Variants in CBX5 observed in about 807,000 individuals in gnomAD.
The protein encoded by CBX5 is chromobox protein homolog 5.
CBX5 carries 7 observed loss-of-function variants against 20.7 expected under a neutral mutation model. The ratio of observed to expected loss-of-function variants is 0.34; its 90% CI spans 0.19 to 0.63. The LOEUF is 0.63. Ranked by LOEUF, CBX5 falls within the 30% of genes least tolerant of loss-of-function variation. The pLI is 0.75. For missense variants in CBX5, 110 were observed against 224.1 expected, an observed-to-expected ratio of 0.49 and a Z score of 3.25; for synonymous variants, 78 against 77.0, an observed-to-expected ratio of 1.01 and a Z score of -0.07.
At chr12:54,267,716 C>T (rs1235236888) in intron 1 of CBX5, among the ~76,000 whole-genome samples, 2 of 152,054 alleles carry the variant, frequency 1.3e-5, no homozygotes, top group Non-Finnish European at 2.9e-5. Flanking sequence ...GGGGTTTCAC[C>T]GTGTTAGCCA....
rs933670961 is a variant in CBX5 at position 54,240,414 on chromosome 12, A to G, written c.*1341T>C. On this transcript the variant is annotated 3_prime_UTR_variant, in exon 5 of 5. Coordinates refer to ENST00000209875, the MANE Select transcript of CBX5 (RefSeq NM_012117.3). ...ATTTTTATTTATATTTTTTAGAGACAGGGGGTCTCACTACATTGCCCAGGC... is the reference window on the plus strand; with the variant it reads ...ATTTTTATTTATATTTTTTAGAGACGGGGGGTCTCACTACATTGCCCAGGC... The G allele has an allele frequency of 4.6e-5, 7 of 152,138 alleles. No individual in the cohort carries two copies. The highest frequency in any genetic ancestry group is 2.1e-4 in the South Asian group (1 of 4,820). 9.4% of individuals were successfully genotyped at this position (152,138 alleles called of 1,614,324 possible). A position where few individuals can be genotyped will look rare whatever the true frequency, so the allele number is the denominator to read the frequency against.
intron 2 of CBX5, 86 bp from the exon 3 acceptor site, chr12:54,252,313 C>T: frequency 2.3e-6 from 2 of 859,290 alleles, no homozygotes; most frequent in South Asian, 1.8e-5. Context: ...TCAAAGAGGA[C>T]ATTCGGACAA....
chr12:54,257,623 C>T lies in CBX5; in HGVS notation c.28G>A (p.Asp10Asn), dbSNP rs763300355. 1.2e-6 allele frequency: 2 copies of T among 1,614,220 alleles called. No homozygotes were observed. Residue 10 changes from aspartate to asparagine, a missense_variant, in exon 2 of 5, where the codon GAC becomes AAC. Asp to Asn is a conservative substitution (Grantham distance 23, BLOSUM62 1). Transcript: ENST00000209875. ...TCCTCATCCTCTGAAGAAGAACTGT[C>T]AGCTGTCCGCTTGGTTTTCTTTCCC... MGKKTKRTA[D>N]SSSSEDEEEY...
intron 1 of CBX5, among the ~76,000 whole-genome samples, chr12:54,269,488 A>C (rs887983258): frequency 6.6e-6 from 1 of 151,688 alleles, no homozygotes. Flanking sequence ...TCTGAGGTTC[A>C]AGCGATTCTC....
chr12:54,251,975 T>C, intron 3 of CBX5, 66 bp downstream of exon 3: 1 of 1,359,584 alleles, frequency 7.4e-7, no homozygotes, highest in Non-Finnish European at 9.9e-7. Flanking sequence ...ATATGATACT[T>C]TTATTTATTA....
chr12:54,264,632 C>T (rs1308849996), intron 1 of CBX5, among the ~76,000 whole-genome samples: 2 of 152,074 alleles, frequency 1.3e-5, no homozygotes, highest in African/African-American at 4.8e-5. Context: ...CACCTGAGGT[C>T]GGGAGTTTGA....
At chr12:54,253,095 A>C (rs1203652152) in intron 2 of CBX5, among the ~76,000 whole-genome samples, 1 of 152,088 alleles carries the variant, frequency 6.6e-6, no homozygotes, top group African/African-American at 2.4e-5. Context: ...AATGTTCTGA[A>C]ACTGGATCAT....
chr12:54,269,697 G>T (rs932314501), intron 1 of CBX5, among the ~76,000 whole-genome samples: 1 of 152,098 alleles, frequency 6.6e-6, no homozygotes, highest in African/African-American at 2.4e-5. Context: ...TGGGCCTGGC[G>T]TTTTCTTTGT....
At chr12:54,251,918 T>TC (rs1239786487) in intron 3 of CBX5, 123 bp downstream of exon 3, 1 of 806,456 alleles carries the variant, frequency 1.2e-6, no homozygotes, top group Middle Eastern at 3.9e-4. Flanking sequence ...GCTCTTTTGT[T>TC]CAACAATTTA....
At chr12:54,252,712 C>T (rs956692459) in intron 2 of CBX5, among the ~76,000 whole-genome samples, 35 of 152,088 alleles carry the variant, frequency 2.3e-4, no homozygotes, top group African/African-American at 8.0e-4. Context: ...CAGCCGGGCA[C>T]GGTGGCTCAC....
Position 54,239,694 on chromosome 12 carries a change from A to G in CBX5, c.*2061T>C, listed in dbSNP as rs1273444208. The G allele has an allele frequency of 6.6e-6, 1 of 152,204 alleles. No individual in the cohort carries two copies. Among genetic ancestry groups the G allele is most frequent in the Non-Finnish European group, 1.5e-5 (1 of 68,036 alleles). 9.4% of individuals were successfully genotyped at this position (152,204 alleles called of 1,614,324 possible). A position where few individuals can be genotyped will look rare whatever the true frequency, so the allele number is the denominator to read the frequency against. On this transcript the variant is annotated 3_prime_UTR_variant, in exon 5 of 5. Coordinates refer to ENST00000209875, the MANE Select transcript of CBX5 (RefSeq NM_012117.3). ...GATAAAACTCCCACCCACTTGAGGTATGGTTTATGAGCTCTTGCCCAATCA... is the reference window on the plus strand; with the variant it reads ...GATAAAACTCCCACCCACTTGAGGTGTGGTTTATGAGCTCTTGCCCAATCA...
At chr12:54,262,110 C>T (rs927083067) in intron 1 of CBX5, among the ~76,000 whole-genome samples, 3 of 152,182 alleles carry the variant, frequency 2.0e-5, no homozygotes, top group Non-Finnish European at 2.9e-5. Flanking sequence ...AGGGTAGGTA[C>T]GTTCTCTCTC....
chr12:54,273,612 G>T (rs1224108094), intron 1 of CBX5: 1 of 152,174 alleles, frequency 6.6e-6, no homozygotes, highest in East Asian at 1.9e-4. Flanking sequence ...ATAATACACA[G>T]GTAGAGGGAG....
chr12:54,263,985 G>A lies in CBX5; in HGVS notation c.-42-6293C>T. Among the ~76,000 whole-genome samples the A allele has an allele frequency of 2.0e-5, 3 of 152,068 alleles. 1 individual carries two copies. Among genetic ancestry groups the A allele is most frequent in the Non-Finnish European group, 4.4e-5 (3 of 68,012 alleles). On this transcript the variant is annotated intron_variant, in intron 1 of 4. Coordinates refer to ENST00000209875, the MANE Select transcript of CBX5 (RefSeq NM_012117.3). ...GTGAACCCAGGAGGCGGGGCTTGCA[G>A]TGAGCCGAGATCGCACCACTGCACT...
chr12:54,244,564 C>G (rs1163091541), intron 4 of CBX5, among the ~76,000 whole-genome samples: 1 of 151,722 alleles, frequency 6.6e-6, no homozygotes, highest in Non-Finnish European at 1.5e-5. Context: ...ATGGCAAAAC[C>G]CCATCTCTAC....
At chr12:54,245,190 T>C (rs1217657340) in intron 4 of CBX5, among the ~76,000 whole-genome samples, 1 of 151,934 alleles carries the variant, frequency 6.6e-6, no homozygotes, top group Non-Finnish European at 1.5e-5. Context: ...TTTGTATTTT[T>C]AGTAGAGATA....
chr12:54,253,011 T>C lies in CBX5; in HGVS notation c.138-784A>G, dbSNP rs1231009581. The stretch of plus-strand genomic sequence containing the variant: ...AAAAAAAAAAAAAAAAGCAGATCAG[T>C]GAATGCCTGGGGCTGAGGGAGGGAG... On this transcript the variant is annotated intron_variant, in intron 2 of 4. Transcript: ENST00000209875. Among the ~76,000 whole-genome samples, 3 of 140,084 alleles carry C rather than the reference T, an allele frequency of 2.1e-5. No homozygotes were observed. The East Asian group carries it at 6.2e-4, about 29-fold the overall frequency. The allele number at this position is 140,084 out of a possible 152,430, so 91.9% of individuals were successfully genotyped here.
At position 54,234,150 on chromosome 12, in the gene CBX5, G is replaced by A. The variant is rs1403196404; in HGVS notation, c.*7605C>T. 4 of 119,706 alleles carry A rather than the reference G, an allele frequency of 3.3e-5. No homozygotes were observed. The highest frequency in any genetic ancestry group is 1.3e-4 in the African/African-American group (4 of 29,876). 7.4% of individuals were successfully genotyped at this position (119,706 alleles called of 1,614,324 possible). On this transcript the variant is annotated 3_prime_UTR_variant, in exon 5 of 5. Transcript: ENST00000209875. ...GCCAAGATCACGCCACTGCACTCCAGCCTGGGCAAAAGAGCAAGTTTCCAT... is the reference window on the plus strand; with the variant it reads ...GCCAAGATCACGCCACTGCACTCCAACCTGGGCAAAAGAGCAAGTTTCCAT...
At position 54,233,376 on chromosome 12, in the gene CBX5, G is replaced by T. The variant is rs1437198707; in HGVS notation, c.*8379C>A. On this transcript the variant is annotated 3_prime_UTR_variant, in exon 5 of 5. Coordinates refer to ENST00000209875, the MANE Select transcript of CBX5 (RefSeq NM_012117.3). Reference sequence around the variant, plus strand: ...CTCTTATCCTAAACTGAGGAGGTGAGGGGTGAGGGTGACACGAGACAAACA... The same window carrying T: ...CTCTTATCCTAAACTGAGGAGGTGATGGGTGAGGGTGACACGAGACAAACA... 6.6e-6 allele frequency: 1 copy of T among 152,176 alleles called. No homozygotes were observed. Among genetic ancestry groups the T allele is most frequent in the Non-Finnish European group, 1.5e-5 (1 of 68,036 alleles). The allele number at this position is 152,176 out of a possible 1,614,324, so 9.4% of individuals were successfully genotyped here. A position where few individuals can be genotyped will look rare whatever the true frequency, so the allele number is the denominator to read the frequency against.
Sources: gnomAD v4.1 joint callset for allele counts (sites outside exome capture counted in the v4.1 genomes callset) on GRCh38, gnomAD v4.1.1 for gene constraint, MANE v1.5 for transcripts, NCBI Gene and HGNC (gene_info 2026-07-23, HGNC 2026-07-21) for gene names.